EPHA5: variants seen among roughly 807,000 people sequenced by gnomAD.
EPHA5 encodes the protein ephrin type-A receptor 5.
Under a neutral mutation model 105.0 loss-of-function variants are expected in EPHA5, and 60 were observed. That is an observed-to-expected ratio of 0.57 (90% confidence interval 0.46 to 0.71). The LOEUF (loss-of-function observed/expected upper bound fraction) is 0.71, where lower values mean the gene tolerates loss of function less well. EPHA5 is among the 30% of genes least tolerant of loss of function. The pLI is 0.00. For missense variants in EPHA5, 1,218 were observed against 1,274.7 expected, an observed-to-expected ratio of 0.96 and a Z score of 0.68; for synonymous variants, 513 against 449.1, an observed-to-expected ratio of 1.14 and a Z score of -1.80.
At chr4:65,388,496 T>C (rs1264138281) in intron 8 of EPHA5, among the ~76,000 whole-genome samples, 21 of 151,120 alleles carry the variant, frequency 1.4e-4, no homozygotes, top group African/African-American at 4.4e-4. Context: ...CCTGACTTTT[T>C]AATGATTGCC....
intron 8 of EPHA5, among the ~76,000 whole-genome samples, chr4:65,383,661 AT>A (rs1049589610): frequency 5.3e-5 from 8 of 151,994 alleles, no homozygotes; most frequent in African/African-American, 1.9e-4. Flanking sequence ...GACTTCAATA[AT>A]GCCCTGGTCA....
intron 8 of EPHA5, among the ~76,000 whole-genome samples, chr4:65,374,068 C>G (rs994409061): frequency 4.0e-5 from 6 of 151,782 alleles, no homozygotes; most frequent in African/African-American, 1.5e-4. Flanking sequence ...ACATTAAAAC[C>G]ATCAATTCAA....
At chr4:65,479,731 T>G (rs1322501562) in intron 5 of EPHA5, among the ~76,000 whole-genome samples, 1 of 152,112 alleles carries the variant, frequency 6.6e-6, no homozygotes, top group Non-Finnish European at 1.5e-5. Flanking sequence ...GGATATATGA[T>G]GCACATTAAA....
At chr4:65,367,475 C>G (rs2148896860) in intron 8 of EPHA5, 51 bp from the exon 9 acceptor site, 1 of 1,530,564 alleles carries the variant, frequency 6.5e-7, no homozygotes. Context: ...GTGAATCAGT[C>G]ACATCAAGCC....
chr4:65,437,172 T>C (rs1455406569), intron 5 of EPHA5, among the ~76,000 whole-genome samples: 1 of 152,100 alleles, frequency 6.6e-6, no homozygotes, highest in Non-Finnish European at 1.5e-5. Flanking sequence ...TTCCCAACTT[T>C]ACCTACGTGT....
intron 3 of EPHA5, among the ~76,000 whole-genome samples, chr4:65,569,868 A>G (rs1739940206): frequency 1.3e-5 from 2 of 151,744 alleles, no homozygotes; most frequent in Admixed American, 6.6e-5. Context: ...ATTTCTGGAA[A>G]TAAAAGTCAT....
chr4:65,340,446 A>G (rs1721601533), intron 14 of EPHA5, among the ~76,000 whole-genome samples: 1 of 152,170 alleles, frequency 6.6e-6, no homozygotes, highest in Admixed American at 6.5e-5. Context: ...ACAGAGCAGC[A>G]GGAAGCAGTT....
Position 65,324,188 on chromosome 4 carries a change from C to T in EPHA5, c.2977G>A (p.Gly993Ser), listed in dbSNP as rs149835568. ...CTGTTCATGATCTTCTTCTGGTGAC[C>T]GACAAGAGTCACTCCAAGCCGTCTC... ...DLRRLGVTLV[G>S]HQKKIMNSLQ... Residue 993 changes from glycine to serine, a missense_variant, in exon 17 of 17, where the codon GGT becomes AGT. Gly to Ser is a moderately conservative substitution (Grantham distance 56). Around this residue, in one of 3 missense-constraint regions of EPHA5, gnomAD observed 971 missense variants for 1,013.5 expected, o/e 0.96. Coordinates refer to ENST00000613740, the MANE Select transcript of EPHA5 (RefSeq NM_001281766.3). 1.3e-5 allele frequency: 21 copies of T among 1,609,080 alleles called. No individual in the cohort carries two copies. Among genetic ancestry groups the T allele is most frequent in the African/African-American group, 6.7e-5 (5 of 74,416 alleles).
intron 3 of EPHA5, among the ~76,000 whole-genome samples, chr4:65,596,916 A>G (rs1743250446): frequency 1.3e-5 from 2 of 152,180 alleles, no homozygotes; most frequent in African/African-American, 2.4e-5. Flanking sequence ...GACACCTAAT[A>G]TACCTAATAT....
chr4:65,459,320 A>G (rs547256483), intron 5 of EPHA5, among the ~76,000 whole-genome samples: 1 of 151,996 alleles, frequency 6.6e-6, no homozygotes. Flanking sequence ...AAAGGAAAAC[A>G]AAACAACAAT....
intron 14 of EPHA5, among the ~76,000 whole-genome samples, chr4:65,342,943 T>C (rs1229610098): frequency 6.6e-6 from 1 of 151,886 alleles, no homozygotes; most frequent in Non-Finnish European, 1.5e-5. Flanking sequence ...GGATTAAAAC[T>C]GGCCAGAAAA....
intron 5 of EPHA5, among the ~76,000 whole-genome samples, chr4:65,422,746 C>A (rs2149042713): frequency 6.6e-6 from 1 of 152,162 alleles, no homozygotes; most frequent in Non-Finnish European, 1.5e-5. Flanking sequence ...TAGGCTACTA[C>A]AGTTCCCATT....
At chr4:65,359,739 C>A (rs1378635831) in intron 11 of EPHA5, among the ~76,000 whole-genome samples, 1 of 151,604 alleles carries the variant, frequency 6.6e-6, no homozygotes, top group Non-Finnish European at 1.5e-5. Flanking sequence ...GATCTGCGAA[C>A]AATGTCAATT....
intron 14 of EPHA5, among the ~76,000 whole-genome samples, chr4:65,343,211 C>T (rs1457990751): frequency 2.0e-5 from 3 of 152,098 alleles, no homozygotes; most frequent in African/African-American, 4.8e-5. Context: ...TGTTTACTAT[C>T]AATAAATAGG....
chr4:65,623,727 C>T (rs1018989891), intron 2 of EPHA5, among the ~76,000 whole-genome samples: 2 of 152,156 alleles, frequency 1.3e-5, no homozygotes, highest in Admixed American at 1.3e-4. Flanking sequence ...ACATTTTTGC[C>T]TCATGACATA....
rs190127668 is a variant in EPHA5, at chr4:65,587,594, T to G, written c.910+14047A>C. Among the ~76,000 whole-genome samples the G allele has an allele frequency of 1.2e-3, 185 of 152,148 alleles. 1 individual carries two copies. The highest frequency in any genetic ancestry group is 4.1e-3 in the African/African-American group (170 of 41,510). On this transcript the variant is annotated intron_variant, in intron 3 of 16. Transcript: ENST00000613740. ...ATGCCAAAAGGTGCCCCGACCCCCA[T>G]CTGGATATTCCCATAGGAAATATGT...
intron 2 of EPHA5, among the ~76,000 whole-genome samples, chr4:65,607,910 T>C (rs969540027): frequency 1.3e-5 from 2 of 152,114 alleles, no homozygotes; most frequent in African/African-American, 2.4e-5. Context: ...CTGATCACAA[T>C]AACAAAGACA....
chr4:65,599,832 A>G (rs1371178696), intron 3 of EPHA5, among the ~76,000 whole-genome samples: 1 of 152,216 alleles, frequency 6.6e-6, no homozygotes, highest in Non-Finnish European at 1.5e-5. Flanking sequence ...TAACACTTGC[A>G]CTAAGACTGC....
At chr4:65,549,273 G>T (rs572698344) in intron 3 of EPHA5, among the ~76,000 whole-genome samples, 1 of 152,168 alleles carries the variant, frequency 6.6e-6, no homozygotes, top group East Asian at 1.9e-4. Flanking sequence ...CTGATCAAAA[G>T]CATCCTTAAG....
Sources: allele counts gnomAD v4.1 joint callset (sites outside exome capture counted in the v4.1 genomes callset), GRCh38; gene constraint gnomAD v4.1.1; regional missense constraint gnomAD v4.1.1; transcripts MANE v1.5; gene names NCBI Gene and HGNC (gene_info 2026-07-23, HGNC 2026-07-21).